The following CDH18 variants were observed in gnomAD, a reference collection of about 807,000 sequenced individuals.
CDH18 encodes the protein cadherin 18, also known as cadherin-18.
In CDH18, 31 loss-of-function variants were observed where a neutral mutation model predicts 67.9. That is an observed-to-expected ratio of 0.46 (90% CI 0.34 to 0.62). The LOEUF (loss-of-function observed/expected upper bound fraction) is 0.62. Ranked by LOEUF, CDH18 falls within the 20% of genes least tolerant of loss-of-function variation. The pLI is 0.01. For synonymous variants in CDH18, 362 were observed against 347.2 expected (o/e 1.04, Z -0.48); for missense variants, 890 against 975.5 (o/e 0.91, Z 1.17).
chr5:19,824,165 C>T (rs185015805), intron 3 of CDH18, among the ~76,000 whole-genome samples: 4 of 152,220 alleles, frequency 2.6e-5, no homozygotes, highest in East Asian at 1.9e-4. Context: ...GAATAATATA[C>T]GTGGTCCAAT....
intron 2 of CDH18, among the ~76,000 whole-genome samples, chr5:20,231,202 T>C (rs1169097182): frequency 6.6e-6 from 1 of 152,212 alleles, no homozygotes; most frequent in African/African-American, 2.4e-5. Flanking sequence ...ATTTAAAATA[T>C]ATCAAAGTAA....
intron 1 of CDH18, among the ~76,000 whole-genome samples, chr5:19,985,220 C>T (rs746403952): frequency 6.6e-5 from 10 of 152,056 alleles, no homozygotes; most frequent in Non-Finnish European, 1.5e-4. Context: ...TCTAGTAAAA[C>T]ACCTACCAAT....
intron 5 of CDH18, among the ~76,000 whole-genome samples, chr5:19,624,519 T>C (rs904053189): frequency 2.0e-5 from 3 of 152,218 alleles, no homozygotes; most frequent in Non-Finnish European, 4.4e-5. Context: ...GATATGTATA[T>C]GCTTTTTTCC....
At chr5:20,493,356 T>TTAAAAAAA (rs1391590923) in intron 1 of CDH18, among the ~76,000 whole-genome samples, 1 of 47,194 alleles carries the variant, frequency 2.1e-5, no homozygotes, top group Non-Finnish European at 3.5e-5. Flanking sequence ...TTCAGAAAAT[T>TTAAAAAAA]AAAAAAAAAA....
chr5:20,172,990 C>CAAAAAAAAA (rs11303081), intron 2 of CDH18, among the ~76,000 whole-genome samples: 1 of 139,856 alleles, frequency 7.2e-6, no homozygotes, highest in African/African-American at 2.6e-5. Flanking sequence ...AACTCCGTCT[C>CAAAAAAAAA]AAAAAAAAAA....
chr5:19,814,775 GA>G (rs1026165454), intron 3 of CDH18, among the ~76,000 whole-genome samples: 10 of 149,260 alleles, frequency 6.7e-5, no homozygotes, highest in Admixed American at 1.3e-4. Context: ...ACAAGCCCTG[GA>G]AAAAAAAATG....
chr5:19,554,053 T>C (rs75903235), intron 8 of CDH18, among the ~76,000 whole-genome samples: 4,075 of 152,232 alleles, frequency 0.027, 141 homozygotes, highest in East Asian at 0.095. Flanking sequence ...AAGCCATGCA[T>C]TGAGAAAATA....
chr5:19,802,431 C>A (rs137975715), intron 3 of CDH18, among the ~76,000 whole-genome samples: 136 of 152,048 alleles, frequency 8.9e-4, no homozygotes, highest in East Asian at 2.7e-3. Context: ...AGGTAGTGAC[C>A]TCTAATTCTT....
At chr5:20,293,628 G>A (rs1747268118) in intron 1 of CDH18, among the ~76,000 whole-genome samples, 1 of 152,132 alleles carries the variant, frequency 6.6e-6, no homozygotes, top group African/African-American at 2.4e-5. Context: ...AGAGATTAAT[G>A]CATGAATTAA....
At chr5:20,532,709 T>C (rs1249820115) in intron 1 of CDH18, among the ~76,000 whole-genome samples, 2 of 152,074 alleles carry the variant, frequency 1.3e-5, no homozygotes, top group East Asian at 1.9e-4. Flanking sequence ...TTTCTGACAA[T>C]TCATTCTATT....
rs149935869 is a variant in CDH18, at chr5:20,020,027, T to C, written c.-517-28013A>G. Among the ~76,000 whole-genome samples, 1,147 of 152,322 alleles carry C rather than the reference T, an allele frequency of 7.5e-3. 20 individuals are homozygous for C. The highest frequency in any genetic ancestry group is 0.026 in the African/African-American group (1,095 of 41,566). The stretch of plus-strand genomic sequence containing the variant: ...ACCAGAGTAAATATCACTCTTGCTA[T>C]GTTTTAGCAGAGACTGGTGGCATTT... On this transcript the variant is annotated intron_variant, in intron 2 of 14. Transcript: ENST00000507958.
At chr5:20,023,649 A>G (rs567831307) in intron 2 of CDH18, among the ~76,000 whole-genome samples, 1 of 111,770 alleles carries the variant, frequency 8.9e-6, no homozygotes, top group East Asian at 2.6e-4. Context: ...ACAGAGCGAG[A>G]CTCCGTCTCA....
intron 2 of CDH18, among the ~76,000 whole-genome samples, chr5:19,932,239 C>T (rs547798740): frequency 6.6e-5 from 10 of 151,728 alleles, no homozygotes; most frequent in Non-Finnish European, 1.5e-4. Context: ...TACTGGAATG[C>T]ACAAAGCTTT....
At chr5:20,262,969 A>AGAAGG (rs971682036) in intron 1 of CDH18, among the ~76,000 whole-genome samples, 4 of 131,314 alleles carry the variant, frequency 3.0e-5, no homozygotes, top group Admixed American at 8.0e-5. Flanking sequence ...AATGGGGGAA[A>AGAAGG]GAAGGGAAGG....
At chr5:20,228,997 T>C (rs770432494) in intron 2 of CDH18, among the ~76,000 whole-genome samples, 1 of 152,060 alleles carries the variant, frequency 6.6e-6, no homozygotes, top group Non-Finnish European at 1.5e-5. Flanking sequence ...TTATGTACAG[T>C]TTCAGGTGTA....
chr5:20,217,743 A>T (rs575052715), intron 2 of CDH18, among the ~76,000 whole-genome samples: 67 of 151,846 alleles, frequency 4.4e-4, no homozygotes, highest in African/African-American at 1.5e-3. Flanking sequence ...TAATAGATTT[A>T]AAAAAAGACC....
intron 1 of CDH18, among the ~76,000 whole-genome samples, chr5:20,393,646 C>T (rs1745046050): frequency 6.6e-6 from 1 of 151,898 alleles, no homozygotes; most frequent in Non-Finnish European, 1.5e-5. Flanking sequence ...CAAAAGACTC[C>T]TAGATTTGAT....
At chr5:20,081,431 G>C (rs1016854472) in intron 2 of CDH18, among the ~76,000 whole-genome samples, 1 of 152,078 alleles carries the variant, frequency 6.6e-6, no homozygotes, top group Admixed American at 6.5e-5. Context: ...ATTCAACCCA[G>C]CAATCCCTTT....
At chr5:20,568,025 G>C (rs2126664833) in intron 1 of CDH18, among the ~76,000 whole-genome samples, 1 of 152,254 alleles carries the variant, frequency 6.6e-6, no homozygotes, top group South Asian at 2.1e-4. Context: ...TCCTGCTATT[G>C]TTTATATGTC....
Sources: gnomAD v4.1 joint callset for allele counts (sites outside exome capture counted in the v4.1 genomes callset) on GRCh38, gnomAD v4.1.1 for gene constraint, MANE v1.5 for transcripts, NCBI Gene and HGNC (gene_info 2026-07-23, HGNC 2026-07-21) for gene names.